The following C10orf90 variants were observed in gnomAD, a reference collection of about 807,000 sequenced individuals.
C10orf90 encodes chromosome 10 open reading frame 90.
C10orf90 carries 56 observed loss-of-function variants against 62.5 expected under a neutral mutation model. That is an observed-to-expected ratio of 0.90 (90% CI 0.72 to 1.12). The LOEUF (loss-of-function observed/expected upper bound fraction) is 1.12, where lower values mean the gene tolerates loss of function less well. C10orf90 is among the 50% of genes most tolerant of loss of function. The pLI, the probability that C10orf90 is intolerant of heterozygous loss-of-function variation, is 0.00. For missense variants in C10orf90, 970 were observed against 880.4 expected, an observed-to-expected ratio of 1.10 and a Z score of -1.29; for synonymous variants, 386 against 340.4, an observed-to-expected ratio of 1.13 and a Z score of -1.47.
intron 2 of C10orf90, among the ~76,000 whole-genome samples, chr10:126,563,003 C>T (rs558057443): frequency 6.8e-4 from 103 of 152,346 alleles, no homozygotes; most frequent in Non-Finnish European, 1.3e-3. Context: ...CATTGCTTTC[C>T]ATGGCTGTGC....
intron 7 of C10orf90, among the ~76,000 whole-genome samples, chr10:126,442,328 T>C (rs1443929768): frequency 6.6e-6 from 1 of 150,820 alleles, no homozygotes; most frequent in Non-Finnish European, 1.5e-5. Context: ...TACATGATGA[T>C]AAAAGGCCTT....
intron 2 of C10orf90, among the ~76,000 whole-genome samples, chr10:126,608,410 C>G (rs1031600380): frequency 6.6e-6 from 1 of 152,170 alleles, no homozygotes; most frequent in Non-Finnish European, 1.5e-5. Flanking sequence ...CCATGCCTAG[C>G]CTGAATGTAT....
chr10:126,433,483 C>G (rs1283549694), intron 7 of C10orf90, among the ~76,000 whole-genome samples: 1 of 152,078 alleles, frequency 6.6e-6, no homozygotes, highest in Non-Finnish European at 1.5e-5. Context: ...GGTGAAACGG[C>G]AGCCCAGGGT....
chr10:126,597,260 T>C (rs1187214209), intron 2 of C10orf90, among the ~76,000 whole-genome samples: 1 of 152,252 alleles, frequency 6.6e-6, no homozygotes, highest in Non-Finnish European at 1.5e-5. Context: ...ATGAGAATGT[T>C]CATAACTGCA....
intron 2 of C10orf90, among the ~76,000 whole-genome samples, chr10:126,558,464 G>C (rs181514961): frequency 6.6e-6 from 1 of 152,182 alleles, no homozygotes; most frequent in Non-Finnish European, 1.5e-5. Context: ...GCACTAACGA[G>C]CTGTTGAAAT....
intron 2 of C10orf90, among the ~76,000 whole-genome samples, chr10:126,557,990 T>A (rs1864816771): frequency 6.6e-6 from 1 of 152,120 alleles, no homozygotes; most frequent in South Asian, 2.1e-4. Flanking sequence ...TCCCAGCCAA[T>A]GATGCAGTCC....
intron 2 of C10orf90, among the ~76,000 whole-genome samples, chr10:126,580,302 C>A (rs1844719282): frequency 6.6e-6 from 1 of 152,166 alleles, no homozygotes; most frequent in African/African-American, 2.4e-5. Flanking sequence ...TCTTTTCTAA[C>A]AAATCCATTT....
intron 2 of C10orf90, among the ~76,000 whole-genome samples, chr10:126,572,479 C>T (rs115342001): frequency 0.039 from 5,922 of 152,104 alleles, 378 homozygotes; most frequent in African/African-American, 0.13. Flanking sequence ...ATATGCTAAA[C>T]GAGGGCTGGA....
intron 2 of C10orf90, among the ~76,000 whole-genome samples, chr10:126,607,090 G>A (rs1194806967): frequency 6.6e-6 from 1 of 152,200 alleles, no homozygotes; most frequent in Non-Finnish European, 1.5e-5. Flanking sequence ...CGGAAGTCAT[G>A]ATGGGTGAAG....
intron 2 of C10orf90, among the ~76,000 whole-genome samples, chr10:126,589,577 C>T (rs538461805): frequency 1.6e-4 from 24 of 152,244 alleles, no homozygotes; most frequent in Admixed American, 9.8e-4. Context: ...AAAGAATTTC[C>T]AAGCCAGAAT....
chr10:126,444,967 C>T (rs1010316693), intron 7 of C10orf90, among the ~76,000 whole-genome samples: 6 of 151,774 alleles, frequency 4.0e-5, no homozygotes, highest in Admixed American at 1.3e-4. Context: ...TGGCTAGCAA[C>T]ATGTAGAATG....
In C10orf90 at chr10:126,429,901, A is replaced by T. The variant is rs754390705; in HGVS notation, c.2189-51T>A. ...GTTCAGAAGGCATAGAATCTCACAC[A>T]TTTCTAGAGAAACATTGTGATTAGT... On this transcript the variant is annotated intron_variant, in intron 7 of 9. Transcript: ENST00000488181. The T allele has an allele frequency of 2.1e-6, 3 of 1,442,358 alleles. No individual in the cohort carries two copies. In the South Asian group the frequency reaches 3.4e-5, roughly 17 times the overall value. 89.3% of individuals were successfully genotyped at this position (1,442,358 alleles called of 1,614,324 possible).
intron 3 of C10orf90, among the ~76,000 whole-genome samples, chr10:126,511,071 C>G (rs1044695578): frequency 1.3e-5 from 2 of 152,226 alleles, no homozygotes; most frequent in African/African-American, 2.4e-5. Context: ...GCGTTTGCTG[C>G]AAACCTGCCT....
At position 126,581,873 on chromosome 10, in the gene C10orf90, G is replaced by A. The variant is rs113325057; in HGVS notation, c.313+64692C>T. 1.2e-3 allele frequency among the ~76,000 whole-genome samples: 180 copies of A among 152,288 alleles called. 1 individual carries two copies. The highest frequency in any genetic ancestry group is 0.01 in the Middle Eastern group (3 of 294). On this transcript the variant is annotated intron_variant, in intron 2 of 9. Coordinates refer to ENST00000488181, the MANE Select transcript of C10orf90 (RefSeq NM_001350921.2). ...GTGGACTGATTCGGACAGGTGCTGTGGAAGGAGACCTGGGGCCGCCTTACT... is the reference window on the plus strand; with the variant it reads ...GTGGACTGATTCGGACAGGTGCTGTAGAAGGAGACCTGGGGCCGCCTTACT...
chr10:126,433,164 T>C (rs143386535), intron 7 of C10orf90, among the ~76,000 whole-genome samples: 1 of 152,198 alleles, frequency 6.6e-6, no homozygotes, highest in East Asian at 1.9e-4. Context: ...CAAGGATGAC[T>C]CCCAGGCTTT....
intron 4 of C10orf90, among the ~76,000 whole-genome samples, chr10:126,490,734 T>C (rs1861722800): frequency 1.3e-5 from 2 of 152,046 alleles, no homozygotes; most frequent in South Asian, 4.1e-4. Flanking sequence ...ATAGAGAGAA[T>C]CTATATATCT....
At chr10:126,526,507 G>A (rs1296090174) in intron 2 of C10orf90, among the ~76,000 whole-genome samples, 1 of 152,108 alleles carries the variant, frequency 6.6e-6, no homozygotes, top group African/African-American at 2.4e-5. Flanking sequence ...GCCTCCCAAA[G>A]TGCTGGGATT....
In C10orf90 at chr10:126,585,922, C is replaced by G. The variant is rs370678548; in HGVS notation, c.313+60643G>C. On this transcript the variant is annotated intron_variant, in intron 2 of 9. Coordinates refer to ENST00000488181, the MANE Select transcript of C10orf90 (RefSeq NM_001350921.2). ...GCCCCCGCCCCACAGAATAAGAAGT[C>G]TTCCAGGAAATTCAGATACTTGCTA... Among the ~76,000 whole-genome samples, 14 of 152,274 alleles carry G rather than the reference C, an allele frequency of 9.2e-5. No individual in the cohort carries two copies. In the East Asian group the frequency reaches 2.1e-3, roughly 23 times the overall value.
At chr10:126,542,113 G>A (rs1403506624) in intron 2 of C10orf90, among the ~76,000 whole-genome samples, 2 of 152,156 alleles carry the variant, frequency 1.3e-5, no homozygotes, top group Non-Finnish European at 2.9e-5. Context: ...GTCCAGAGTA[G>A]GTAAATTTAC....
Sources: allele counts gnomAD v4.1 joint callset (sites outside exome capture counted in the v4.1 genomes callset), GRCh38; gene constraint gnomAD v4.1.1; transcripts MANE v1.5; gene names NCBI Gene and HGNC (gene_info 2026-07-23, HGNC 2026-07-21).